NRXN3: variants seen among roughly 807,000 people sequenced by gnomAD.
NRXN3 encodes the protein neurexin 3.
Under a neutral mutation model 137.6 loss-of-function variants are expected in NRXN3, and 32 were observed. The observed-to-expected ratio is 0.23, with a 90% CI of 0.18 to 0.31. The LOEUF (loss-of-function observed/expected upper bound fraction) is 0.31, where lower values mean the gene tolerates loss of function less well. Ranked by LOEUF, NRXN3 falls within the 10% of genes least tolerant of loss-of-function variation. NRXN3 has a pLI of 1.00. For missense variants in NRXN3, 1,574 were observed against 2,062.5 expected (o/e 0.76, Z 4.59); for synonymous variants, 798 against 784.5 (o/e 1.02, Z -0.29).
chr14:78,827,069 C>A (rs2098968757), intron 10 of NRXN3, among the ~76,000 whole-genome samples: 1 of 152,064 alleles, frequency 6.6e-6, no homozygotes, highest in African/African-American at 2.4e-5. Context: ...TTCACTTCTT[C>A]CCAAATATTA....
At chr14:78,700,777 T>C (rs1376904270) in intron 6 of NRXN3, among the ~76,000 whole-genome samples, 1 of 152,010 alleles carries the variant, frequency 6.6e-6, no homozygotes, top group Non-Finnish European at 1.5e-5. Flanking sequence ...GGAAACTTTT[T>C]CTTTTTCTTT....
chr14:79,502,084 C>G (rs2096831511), intron 16 of NRXN3, among the ~76,000 whole-genome samples: 3 of 152,154 alleles, frequency 2.0e-5, no homozygotes. Flanking sequence ...AAACCTGATT[C>G]TTGGGTATTC....
chr14:78,840,185 A>T (rs1327737078), intron 10 of NRXN3, among the ~76,000 whole-genome samples: 1 of 152,194 alleles, frequency 6.6e-6, no homozygotes, highest in African/African-American at 2.4e-5. Flanking sequence ...TATCATGAAG[A>T]TGGTTTTATG....
At chr14:79,423,437 C>T (rs2095610503) in intron 15 of NRXN3, among the ~76,000 whole-genome samples, 1 of 152,142 alleles carries the variant, frequency 6.6e-6, no homozygotes, top group South Asian at 2.1e-4. Flanking sequence ...GACTAATTAA[C>T]AATACCTTAG....
At chr14:79,569,929 CTG>C (rs1206732198) in intron 16 of NRXN3, among the ~76,000 whole-genome samples, 1 of 151,816 alleles carries the variant, frequency 6.6e-6, no homozygotes, top group East Asian at 1.9e-4. Context: ...ATTTTAATGT[CTG>C]AAAAAAAAGA....
intron 8 of NRXN3, among the ~76,000 whole-genome samples, chr14:78,783,802 G>A (rs1047147923): frequency 2.0e-5 from 3 of 152,082 alleles, no homozygotes; most frequent in African/African-American, 4.8e-5. Flanking sequence ...AGGCACCGCC[G>A]ATAATAAATG....
chr14:79,093,895 AT>A (rs67253812), intron 15 of NRXN3, among the ~76,000 whole-genome samples: 139,374 of 151,494 alleles, frequency 0.92, 64,946 homozygotes, highest in Non-Finnish European at 0.99. Flanking sequence ...ATTCTGATTG[AT>A]TTTTTTTTTC....
intron 4 of NRXN3, among the ~76,000 whole-genome samples, chr14:78,411,560 G>T (rs1408032910): frequency 6.6e-6 from 1 of 152,188 alleles, no homozygotes; most frequent in Non-Finnish European, 1.5e-5. Flanking sequence ...TCTTTTATGA[G>T]CTGTGTATTC....
Position 78,485,404 on chromosome 14 carries a change from G to C in NRXN3, c.758-159716G>C, listed in dbSNP as rs1430707821. The stretch of plus-strand genomic sequence containing the variant: ...TACTTTTCTGTAAGGGCCCCAGGCT[G>C]TATGTCTTTTATATCGTCTTCAGAT... On this transcript the variant is annotated intron_variant, in intron 4 of 20. Transcript: ENST00000335750. Among the ~76,000 whole-genome samples the C allele has an allele frequency of 2.6e-5, 4 of 152,172 alleles. No individual in the cohort carries two copies. The East Asian group carries it at 5.8e-4, about 22-fold the overall frequency.
intron 15 of NRXN3, among the ~76,000 whole-genome samples, chr14:79,212,345 A>G (rs1188144005): frequency 2.6e-5 from 4 of 152,182 alleles, no homozygotes; most frequent in Non-Finnish European, 5.9e-5. Flanking sequence ...ATTCCTCTGT[A>G]CATATGAAGC....
intron 10 of NRXN3, among the ~76,000 whole-genome samples, chr14:78,919,443 G>A (rs1171990490): frequency 1.3e-5 from 2 of 152,090 alleles, no homozygotes; most frequent in African/African-American, 2.4e-5. Flanking sequence ...TTACACAAGT[G>A]GAGAAGAATT....
At chr14:79,161,712 G>T (rs959217874) in intron 15 of NRXN3, among the ~76,000 whole-genome samples, 1 of 151,910 alleles carries the variant, frequency 6.6e-6, no homozygotes, top group Non-Finnish European at 1.5e-5. Context: ...TGCACTCCAC[G>T]TGTGACTAAA....
intron 4 of NRXN3, among the ~76,000 whole-genome samples, chr14:78,400,285 A>G (rs1372265178): frequency 6.6e-6 from 1 of 152,188 alleles, no homozygotes; most frequent in Non-Finnish European, 1.5e-5. Context: ...CAGCAGGCAA[A>G]AGTCAGAAAG....
intron 15 of NRXN3, among the ~76,000 whole-genome samples, chr14:79,235,507 G>A (rs978589405): frequency 1.7e-4 from 26 of 152,242 alleles, no homozygotes; most frequent in African/African-American, 6.3e-4. Flanking sequence ...TTACATCTGT[G>A]TCTATGATCC....
intron 15 of NRXN3, among the ~76,000 whole-genome samples, chr14:79,438,620 A>T (rs2095880987): frequency 6.6e-6 from 1 of 152,188 alleles, no homozygotes. Context: ...CAGCAACAAC[A>T]AAGAGCTGTA....
chr14:79,761,675 A>G (rs1568151192), intron 19 of NRXN3, among the ~76,000 whole-genome samples: 1 of 121,330 alleles, frequency 8.2e-6, no homozygotes, highest in African/African-American at 3.7e-5. Context: ...ACAAAGCGAG[A>G]CTCTGTCTCA....
chr14:78,747,546 G>A (rs1020965396), intron 8 of NRXN3, among the ~76,000 whole-genome samples: 1 of 152,142 alleles, frequency 6.6e-6, no homozygotes, highest in Non-Finnish European at 1.5e-5. Context: ...TTTGTACTTA[G>A]AGAAGTTGAT....
rs142142990 is a variant in NRXN3 at position 78,713,568 on chromosome 14, T to C, written c.1661-1188T>C. ...TTTATTTCATTTATTGGGTTACTTA[T>C]TGTATTAGTCTGTTCTCATGCTGCT... On this transcript the variant is annotated intron_variant, in intron 7 of 20. Coordinates refer to ENST00000335750, the MANE Select transcript of NRXN3 (RefSeq NM_001330195.2). Among the ~76,000 whole-genome samples the C allele has an allele frequency of 2.0e-5, 3 of 152,340 alleles. No individual in the cohort carries two copies. The East Asian group carries it at 5.8e-4, about 29-fold the overall frequency.
rs898651705 is a variant in NRXN3, at chr14:78,242,834, T to A, written c.-260T>A. On this transcript the variant is annotated 5_prime_UTR_variant, in exon 2 of 21. Transcript: ENST00000335750. The stretch of plus-strand genomic sequence containing the variant: ...CAGTCCCTCACTTCCCCACCTGATT[T>A]TCCTCCTCTTCTGCTGGTCCTGTCT... The A allele has an allele frequency of 2.9e-5, 13 of 449,922 alleles. No individual in the cohort carries two copies. Among genetic ancestry groups the A allele is most frequent in the African/African-American group, 2.4e-4 (12 of 49,954 alleles). 27.9% of individuals were successfully genotyped at this position (449,922 alleles called of 1,614,324 possible).
Sources: gnomAD v4.1 joint callset for allele counts (sites outside exome capture counted in the v4.1 genomes callset) on GRCh38, gnomAD v4.1.1 for gene constraint, MANE v1.5 for transcripts, NCBI Gene and HGNC (gene_info 2026-07-23, HGNC 2026-07-21) for gene names.